GRID2: variants seen among roughly 807,000 people sequenced by gnomAD.
The protein encoded by GRID2 is glutamate ionotropic receptor delta type subunit 2, also known as glutamate receptor ionotropic, delta-2.
In GRID2, 33 loss-of-function variants were observed where a neutral mutation model predicts 114.8. That is an observed-to-expected ratio of 0.29 (90% CI 0.22 to 0.38). The LOEUF (loss-of-function observed/expected upper bound fraction) is 0.38, where lower values mean the gene tolerates loss of function less well. Ranked by LOEUF, GRID2 falls within the 10% of genes least tolerant of loss-of-function variation. GRID2 has a pLI of 1.00. For missense variants in GRID2, 1,184 were observed against 1,257.7 expected, an observed-to-expected ratio of 0.94 and a Z score of 0.89; for synonymous variants, 505 against 449.9, an observed-to-expected ratio of 1.12 and a Z score of -1.55.
intron 14 of GRID2, among the ~76,000 whole-genome samples, chr4:93,706,193 A>G (rs937052031): frequency 1.3e-5 from 2 of 152,116 alleles, no homozygotes; most frequent in Non-Finnish European, 2.9e-5. Flanking sequence ...AAATTTTAAC[A>G]TTGTTTTTTC....
At chr4:92,815,357 T>A (rs1421007187) in intron 2 of GRID2, among the ~76,000 whole-genome samples, 1 of 152,140 alleles carries the variant, frequency 6.6e-6, no homozygotes, top group Non-Finnish European at 1.5e-5. Flanking sequence ...ATTGACCAAT[T>A]TGAAAATTAA....
chr4:92,873,511 T>C (rs1245490619), intron 2 of GRID2, among the ~76,000 whole-genome samples: 1 of 152,146 alleles, frequency 6.6e-6, no homozygotes, highest in Non-Finnish European at 1.5e-5. Flanking sequence ...AAATTCTACA[T>C]TCAAATCTTG....
At chr4:92,594,131 A>T (rs960116854) in intron 2 of GRID2, among the ~76,000 whole-genome samples, 6 of 151,692 alleles carry the variant, frequency 4.0e-5, no homozygotes, top group African/African-American at 1.5e-4. Flanking sequence ...CCTTTACATC[A>T]CTAGTCCAGT....
intron 1 of GRID2, among the ~76,000 whole-genome samples, chr4:92,541,359 T>C (rs1034009357): frequency 4.0e-5 from 6 of 151,670 alleles, no homozygotes; most frequent in African/African-American, 1.2e-4. Context: ...CAAGAAACAA[T>C]TTTTTGGTCA....
intron 2 of GRID2, among the ~76,000 whole-genome samples, chr4:92,968,528 C>T (rs896806654): frequency 2.0e-5 from 3 of 151,826 alleles, no homozygotes; most frequent in Non-Finnish European, 4.4e-5. Flanking sequence ...AAGAGGATCA[C>T]AAAGTCTAGT....
In GRID2 at chr4:93,650,670, TC is replaced by T. The variant is rs1435340080; in HGVS notation, c.2360+24237del. Among the ~76,000 whole-genome samples, 4 of 152,266 alleles carry T rather than the reference TC, an allele frequency of 2.6e-5. No homozygotes were observed. The South Asian group carries it at 8.3e-4, about 32-fold the overall frequency. On this transcript the variant is annotated intron_variant, in intron 14 of 15. Coordinates refer to ENST00000282020, the MANE Select transcript of GRID2 (RefSeq NM_001510.4). ...TTAGATTCCTTACACTTAAAAAAAG[TC>T]CTTTGGGATGTTTTATGCAGAATGC...
intron 8 of GRID2, among the ~76,000 whole-genome samples, chr4:93,333,451 A>T (rs1399582538): frequency 1.3e-5 from 2 of 152,194 alleles, no homozygotes; most frequent in African/African-American, 4.8e-5. Flanking sequence ...CTTTACAAAC[A>T]GTAACTTCCC....
chr4:93,722,216 A>T (rs1051953542), intron 14 of GRID2, among the ~76,000 whole-genome samples: 8 of 152,158 alleles, frequency 5.3e-5, no homozygotes, highest in Admixed American at 3.9e-4. Context: ...ACGCCCGGCC[A>T]ATAAGTTGTT....
intron 7 of GRID2, among the ~76,000 whole-genome samples, chr4:93,226,562 T>A (rs1024478635): frequency 1.3e-5 from 2 of 152,188 alleles, no homozygotes; most frequent in Non-Finnish European, 2.9e-5. Context: ...GCAACCCTGC[T>A]CCCAGGGCTT....
At chr4:92,779,613 G>C (rs765914231) in intron 2 of GRID2, among the ~76,000 whole-genome samples, 3 of 152,000 alleles carry the variant, frequency 2.0e-5, no homozygotes, top group Non-Finnish European at 4.4e-5. Flanking sequence ...GATCCAAGAT[G>C]AACCTGCATG....
intron 1 of GRID2, among the ~76,000 whole-genome samples, chr4:92,507,965 A>G (rs1219258012): frequency 2.6e-5 from 4 of 151,942 alleles, no homozygotes; most frequent in African/African-American, 9.7e-5. Context: ...ATTCCTTCAC[A>G]GCACAGTACA....
intron 8 of GRID2, among the ~76,000 whole-genome samples, chr4:93,264,775 A>AT (rs2149555827): frequency 8.0e-6 from 1 of 125,070 alleles, no homozygotes; most frequent in East Asian, 2.3e-4. Flanking sequence ...TATATATATA[A>AT]ATATATATAA....
chr4:92,406,757 G>A (rs929294872), intron 1 of GRID2, among the ~76,000 whole-genome samples: 3 of 150,932 alleles, frequency 2.0e-5, no homozygotes, highest in Non-Finnish European at 1.5e-5. Flanking sequence ...CTTACAATTA[G>A]GCATTTTCAA....
Position 93,712,964 on chromosome 4 carries a change from C to T in GRID2, c.2361-56246C>T, listed in dbSNP as rs149032955. The stretch of plus-strand genomic sequence containing the variant: ...TCAGTAAGACATGTAAAATCTGTGA[C>T]ATCGCATCCTACCTCCCACCTGGCC... On this transcript the variant is annotated intron_variant, in intron 14 of 15. Coordinates refer to ENST00000282020, the MANE Select transcript of GRID2 (RefSeq NM_001510.4). Among the ~76,000 whole-genome samples the T allele has an allele frequency of 4.6e-3, 693 of 152,176 alleles. 2 individuals carry two copies. The highest frequency in any genetic ancestry group is 0.01 in the Middle Eastern group (3 of 294).
rs188194265 is a variant in GRID2 at position 92,706,489 on chromosome 4, T to C, written c.244+116203T>C. ...TATCCAAATGTATGAGTCACACATA[T>C]ATTATCTACAGATGTGGATAACCAC... On this transcript the variant is annotated intron_variant, in intron 2 of 15. Transcript: ENST00000282020. 1.8e-3 allele frequency among the ~76,000 whole-genome samples: 271 copies of C among 152,212 alleles called. 1 individual carries two copies. Among genetic ancestry groups the C allele is most frequent in the Admixed American group, 4.8e-3 (73 of 15,290 alleles).
intron 1 of GRID2, among the ~76,000 whole-genome samples, chr4:92,478,087 C>T (rs956516259): frequency 6.6e-6 from 1 of 151,790 alleles, no homozygotes; most frequent in Admixed American, 6.6e-5. Flanking sequence ...TGTATCCCAT[C>T]CAATATCATA....
Position 93,800,432 on chromosome 4 carries a change from G to C in GRID2, c.222-6283G>C, listed in dbSNP as rs550230825. On this transcript the variant is annotated intron_variant, in intron 1 of 1. Transcript: ENST00000637838. ...AATTTGGAAACACCCAATTTCTAGA[G>C]ATGTAAGTAGCATTGAGGAAACAAA... 1.5e-4 allele frequency among the ~76,000 whole-genome samples: 23 copies of C among 152,296 alleles called. No individual in the cohort carries two copies. The South Asian group carries it at 4.8e-3, about 32-fold the overall frequency.
intron 1 of GRID2, among the ~76,000 whole-genome samples, chr4:92,485,088 T>C (rs1339336407): frequency 6.6e-6 from 1 of 151,116 alleles, no homozygotes. Flanking sequence ...ATATTATCAT[T>C]ACTCTTATTT....
At chr4:92,996,899 C>T (rs1755234830) in intron 2 of GRID2, among the ~76,000 whole-genome samples, 1 of 152,074 alleles carries the variant, frequency 6.6e-6, no homozygotes, top group Admixed American at 6.6e-5. Flanking sequence ...ACCAGATAGA[C>T]AGTTAGCAAG....
Sources: gnomAD v4.1 joint callset for allele counts (sites outside exome capture counted in the v4.1 genomes callset) on GRCh38, gnomAD v4.1.1 for gene constraint, MANE v1.5 for transcripts, NCBI Gene and HGNC (gene_info 2026-07-23, HGNC 2026-07-21) for gene names.